Variants in DGKB observed in about 807,000 individuals in gnomAD.
DGKB encodes 90 kDa diacylglycerol kinase.
In DGKB, 67 loss-of-function variants were observed where a neutral mutation model predicts 114.3. That is an observed-to-expected ratio of 0.59 (90% CI 0.48 to 0.72). The LOEUF (loss-of-function observed/expected upper bound fraction) is 0.72, where lower values mean the gene tolerates loss of function less well. Among genes scored for constraint, DGKB ranks in the 30% least tolerant of loss-of-function variants. The probability of loss-of-function intolerance (pLI) is 0.00; values close to 1 mark genes in which losing one functional copy is unlikely to be tolerated. For missense variants in DGKB, 907 were observed against 975.2 expected, an observed-to-expected ratio of 0.93 and a Z score of 0.93; for synonymous variants, 398 against 323.1, an observed-to-expected ratio of 1.23 and a Z score of -2.49.
At chr7:14,366,465 C>T (rs984292385) in intron 21 of DGKB, among the ~76,000 whole-genome samples, 5 of 152,140 alleles carry the variant, frequency 3.3e-5, no homozygotes, top group Admixed American at 2.6e-4. Flanking sequence ...ACTGACATTG[C>T]TGTATCCTGA....
chr7:14,721,273 C>G (rs1192299591), intron 5 of DGKB, among the ~76,000 whole-genome samples: 1 of 152,156 alleles, frequency 6.6e-6, no homozygotes. Context: ...TAATTATCAG[C>G]TTTCACCATA....
chr7:14,258,704 C>A (rs1584773702), intron 23 of DGKB, among the ~76,000 whole-genome samples: 1 of 152,160 alleles, frequency 6.6e-6, no homozygotes, highest in Admixed American at 6.5e-5. Context: ...AGTCTATGTA[C>A]AGCAGGAACT....
chr7:14,334,762 C>T (rs1771468735), intron 23 of DGKB, among the ~76,000 whole-genome samples: 1 of 151,998 alleles, frequency 6.6e-6, no homozygotes, highest in South Asian at 2.1e-4. Context: ...ATTTATTAGA[C>T]ATCTTTCTGA....
At chr7:14,593,882 C>G (rs1185885887) in intron 17 of DGKB, among the ~76,000 whole-genome samples, 2 of 151,358 alleles carry the variant, frequency 1.3e-5, no homozygotes, top group African/African-American at 4.9e-5. Flanking sequence ...CCCAGTTCAC[C>G]AGAGCTAGCA....
At chr7:14,382,821 C>T (rs1819701547) in intron 21 of DGKB, among the ~76,000 whole-genome samples, 1 of 152,158 alleles carries the variant, frequency 6.6e-6, no homozygotes, top group South Asian at 2.1e-4. Context: ...CTCTGAATGG[C>T]CCATGGTGGT....
At chr7:14,410,182 A>C (rs1231736906) in intron 21 of DGKB, among the ~76,000 whole-genome samples, 1 of 141,420 alleles carries the variant, frequency 7.1e-6, no homozygotes, top group Non-Finnish European at 1.5e-5. Flanking sequence ...AATTTTTCTG[A>C]CCTTTTAATT....
intron 25 of DGKB, among the ~76,000 whole-genome samples, chr7:14,150,150 C>T (rs920846415): frequency 9.2e-5 from 14 of 152,056 alleles, no homozygotes; most frequent in South Asian, 2.1e-4. Flanking sequence ...GGGCTAGTGA[C>T]GCTAAGAGTT....
intron 23 of DGKB, among the ~76,000 whole-genome samples, chr7:14,330,609 T>G (rs1360822602): frequency 2.0e-5 from 3 of 152,022 alleles, no homozygotes; most frequent in African/African-American, 7.2e-5. Context: ...GCACACCAGA[T>G]TTTTTAAATT....
At chr7:14,690,674 AGGCGGAGACCTTAT>A (rs1383472398) in intron 9 of DGKB, among the ~76,000 whole-genome samples, 2 of 152,236 alleles carry the variant, frequency 1.3e-5, no homozygotes, top group Non-Finnish European at 2.9e-5. Context: ...TTAGCAGTTA[AGGCGGAGACCTTAT>A]GGCCCCATAG....
At chr7:14,678,819 G>A (rs527348144) in intron 12 of DGKB, among the ~76,000 whole-genome samples, 15 of 152,046 alleles carry the variant, frequency 9.9e-5, no homozygotes, top group South Asian at 2.1e-4. Flanking sequence ...CTAGGGCTGC[G>A]AATGTGGAGA....
chr7:14,418,344 CATAT>C (rs1365589106), intron 21 of DGKB, among the ~76,000 whole-genome samples: 1 of 130,872 alleles, frequency 7.6e-6, no homozygotes, highest in Non-Finnish European at 1.6e-5. Context: ...TATACACACA[CATAT>C]ATTCACATAT....
At chr7:14,603,883 A>G (rs1272027870) in intron 17 of DGKB, among the ~76,000 whole-genome samples, 1 of 152,112 alleles carries the variant, frequency 6.6e-6, no homozygotes, top group Non-Finnish European at 1.5e-5. Flanking sequence ...TATTTTCATG[A>G]AGATTAGATT....
chr7:14,384,986 T>C (rs1160272481), intron 21 of DGKB, among the ~76,000 whole-genome samples: 1 of 152,098 alleles, frequency 6.6e-6, no homozygotes, highest in Non-Finnish European at 1.5e-5. Flanking sequence ...AAAGGAGGAA[T>C]TACTTTCCTT....
intron 1 of DGKB, among the ~76,000 whole-genome samples, chr7:14,970,893 A>G (rs990178378): frequency 7.2e-5 from 11 of 152,200 alleles, no homozygotes; most frequent in Non-Finnish European, 1.0e-4. Flanking sequence ...GTACACTAGG[A>G]TGGCACAGAT....
Position 14,953,084 on chromosome 7 carries a change from T to G in DGKB, c.-188+21612A>C, listed in dbSNP as rs73288915. Among the ~76,000 whole-genome samples, 619 of 152,164 alleles carry G rather than the reference T, an allele frequency of 4.1e-3. 6 individuals carry two copies. The highest frequency in any genetic ancestry group is 0.014 in the African/African-American group (584 of 41,568). On this transcript the variant is annotated intron_variant, in intron 1 of 4. Coordinates refer to the DGKB transcript ENST00000437998. ...TAAAAATACACCATAGGCCTACATG[T>G]AAGTATAAAAACTATAAAATTATTA...
intron 17 of DGKB, among the ~76,000 whole-genome samples, chr7:14,599,525 A>G (rs1803173563): frequency 6.6e-6 from 1 of 152,184 alleles, no homozygotes; most frequent in African/African-American, 2.4e-5. Flanking sequence ...CTTCACATCT[A>G]TACTCAGCCA....
At chr7:14,475,512 G>A (rs913216589) in intron 21 of DGKB, among the ~76,000 whole-genome samples, 2 of 152,102 alleles carry the variant, frequency 1.3e-5, no homozygotes, top group Non-Finnish European at 1.5e-5. Flanking sequence ...ATGGAATTCT[G>A]TGGCTGATCA....
intron 23 of DGKB, among the ~76,000 whole-genome samples, chr7:14,294,906 G>A (rs1045598894): frequency 2.0e-5 from 3 of 152,150 alleles, no homozygotes; most frequent in African/African-American, 7.2e-5. Context: ...TCTTGTTGGA[G>A]TTCAAAAGAG....
chr7:14,175,644 A>G (rs1781615399), intron 25 of DGKB, among the ~76,000 whole-genome samples: 1 of 152,196 alleles, frequency 6.6e-6, no homozygotes, highest in Non-Finnish European at 1.5e-5. Context: ...AAATCAGATG[A>G]TGCTTAAAGT....
Sources: gnomAD v4.1 joint callset for allele counts (sites outside exome capture counted in the v4.1 genomes callset) on GRCh38, gnomAD v4.1.1 for gene constraint, MANE v1.5 for transcripts, NCBI Gene and HGNC (gene_info 2026-07-23, HGNC 2026-07-21) for gene names.